Variants in TMC7 observed in about 807,000 individuals in gnomAD.
TMC7 encodes transmembrane channel-like protein 7.
Under a neutral mutation model 82.9 loss-of-function variants are expected in TMC7, and 54 were observed. The ratio of observed to expected loss-of-function variants is 0.65; its 90% CI spans 0.52 to 0.82. The LOEUF is 0.82. TMC7 is among the 40% of genes least tolerant of loss of function. TMC7 has a pLI of 0.00. For missense variants in TMC7, 820 were observed against 901.2 expected, an observed-to-expected ratio of 0.91 and a Z score of 1.15; for synonymous variants, 350 against 337.9, an observed-to-expected ratio of 1.04 and a Z score of -0.39.
intron 14 of TMC7, among the ~76,000 whole-genome samples, chr16:19,058,731 G>A (rs1373340138): frequency 6.6e-6 from 1 of 151,988 alleles, no homozygotes; most frequent in Non-Finnish European, 1.5e-5. Flanking sequence ...GTGGAGACAG[G>A]GTCTGGCTCT....
intron 1 of TMC7, among the ~76,000 whole-genome samples, chr16:18,988,586 C>T (rs1567495837): frequency 6.6e-6 from 1 of 151,930 alleles, no homozygotes; most frequent in Non-Finnish European, 1.5e-5. Context: ...CCACCATACC[C>T]AGCCCAATTT....
In TMC7 at chr16:18,985,929, A is replaced by G. The variant is rs150834037; in HGVS notation, c.67+1799A>G. On this transcript the variant is annotated intron_variant, in intron 1 of 15. Coordinates refer to ENST00000304381, the MANE Select transcript of TMC7 (RefSeq NM_024847.4). ...CATGCCTGTAATCCAGCACTTTGGGATGCTGAGGCAGGAGGATCACTTGAG... is the reference window on the plus strand; with the variant it reads ...CATGCCTGTAATCCAGCACTTTGGGGTGCTGAGGCAGGAGGATCACTTGAG... Among the ~76,000 whole-genome samples the G allele has an allele frequency of 1.8e-3, 278 of 152,004 alleles. 1 individual carries two copies. The highest frequency in any genetic ancestry group is 3.2e-3 in the Non-Finnish European group (220 of 67,962).
Position 19,053,883 on chromosome 16 carries a change from A to G in TMC7, c.1871+2067A>G, listed in dbSNP as rs192590578. Reference sequence around the variant, plus strand: ...TTTTTTTTAAAGATGCGATCTTGCTATGTTGCCCAGGCTAGTCTTGAACTC... The same window carrying G: ...TTTTTTTTAAAGATGCGATCTTGCTGTGTTGCCCAGGCTAGTCTTGAACTC... On this transcript the variant is annotated intron_variant, in intron 13 of 15. Transcript: ENST00000304381. Among the ~76,000 whole-genome samples, 510 of 125,504 alleles carry G rather than the reference A, an allele frequency of 4.1e-3. 1 individual carries two copies. The highest frequency in any genetic ancestry group is 5.7e-3 in the Non-Finnish European group (350 of 61,316). The allele number at this position is 125,504 out of a possible 152,430, so 82.3% of individuals were successfully genotyped here.
chr16:19,005,323 C>T (rs1476749999), intron 1 of TMC7, among the ~76,000 whole-genome samples: 5 of 151,998 alleles, frequency 3.3e-5, no homozygotes, highest in Admixed American at 1.3e-4. Flanking sequence ...CTCCTGACCT[C>T]GTGATCCACT....
chr16:18,985,021 G>C (rs1220730680), intron 1 of TMC7, among the ~76,000 whole-genome samples: 3 of 152,188 alleles, frequency 2.0e-5, no homozygotes, highest in African/African-American at 7.2e-5. Flanking sequence ...CAGCACTTTG[G>C]GAGGCTGAGG....
intron 3 of TMC7, among the ~76,000 whole-genome samples, chr16:19,017,113 A>G (rs1661103807): frequency 6.6e-6 from 1 of 152,118 alleles, no homozygotes; most frequent in South Asian, 2.1e-4. Context: ...TGAACCTGGG[A>G]GGTGGACGTT....
At chr16:19,019,639 C>T (rs555924474) in intron 3 of TMC7, among the ~76,000 whole-genome samples, 19 of 152,238 alleles carry the variant, frequency 1.2e-4, no homozygotes, top group Admixed American at 7.2e-4. Flanking sequence ...AGGGTTTGAA[C>T]CCAGGCATTC....
intron 1 of TMC7, among the ~76,000 whole-genome samples, chr16:18,995,723 T>C (rs2039032668): frequency 6.6e-6 from 1 of 152,190 alleles, no homozygotes; most frequent in African/African-American, 2.4e-5. Flanking sequence ...AACTCAGAAA[T>C]ACGTTGCTAC....
intron 2 of TMC7, 39 bp from the exon 3 acceptor site, chr16:19,016,411 G>A: frequency 6.2e-7 from 1 of 1,612,156 alleles, no homozygotes. Flanking sequence ...TCTTGATGCT[G>A]CTGTTGTTGT....
chr16:18,989,891 A>G (rs1395946851), intron 1 of TMC7, among the ~76,000 whole-genome samples: 1 of 151,860 alleles, frequency 6.6e-6, no homozygotes, highest in African/African-American at 2.4e-5. Context: ...CGTGTGTTTC[A>G]TGCGCGTCCA....
At chr16:19,012,405 A>G (rs972041124) in intron 2 of TMC7, 10 of 152,168 alleles carry the variant, frequency 6.6e-5, no homozygotes, top group African/African-American at 2.2e-4. Flanking sequence ...TCTTCCATCA[A>G]GGGACTTCCA....
Position 19,021,763 on chromosome 16 carries a change from A to G in TMC7, c.595A>G (p.Ser199Gly), listed in dbSNP as rs781402491. ...ACTCACGAAATACAAGATCACCAAC[A>G]GCAGCTTCGTGCTCATTCCTTTCAA... is the stretch of plus-strand genomic sequence containing the variant. ...VLLTKYKITNSSFVLIPFKDM... is the reference protein window; with the variant it reads ...VLLTKYKITNGSFVLIPFKDM... The change falls in exon 4 of 16, where the codon AGC becomes GGC. Residue 199 changes from serine to glycine, a missense_variant. This residue lies in a region of TMC7 where 650 missense variants were observed against 669.9 expected (regional missense o/e 0.97). Transcript: ENST00000304381. 6.2e-7 allele frequency: 1 copy of G among 1,614,220 alleles called. No homozygotes were observed.
At chr16:19,039,043 G>A (rs1960886432) in intron 8 of TMC7, among the ~76,000 whole-genome samples, 1 of 151,254 alleles carries the variant, frequency 6.6e-6, no homozygotes. Context: ...CGTTCATCTT[G>A]TGGCTCTGCC....
At chr16:19,052,088 GC>G (rs1961566157) in intron 13 of TMC7, among the ~76,000 whole-genome samples, 1 of 151,980 alleles carries the variant, frequency 6.6e-6, no homozygotes, top group East Asian at 1.9e-4. Context: ...GTTCCACTAT[GC>G]CCAGCTGATT....
intron 1 of TMC7, among the ~76,000 whole-genome samples, chr16:19,002,722 C>T (rs1389352769): frequency 2.0e-5 from 3 of 152,148 alleles, no homozygotes; most frequent in Admixed American, 6.6e-5. Flanking sequence ...AAATCTGGCC[C>T]CAGTGACCAA....
chr16:19,013,909 A>G lies in TMC7; in HGVS notation c.312-2541A>G, dbSNP rs913075473. ...CGCTCTATTGCCCAGGCTGGAGTGCACTGGCACCATCTTGGGTCACTGCAA... is the reference window on the plus strand; with the variant it reads ...CGCTCTATTGCCCAGGCTGGAGTGCGCTGGCACCATCTTGGGTCACTGCAA... On this transcript the variant is annotated intron_variant, in intron 2 of 15. Coordinates refer to ENST00000304381, the MANE Select transcript of TMC7 (RefSeq NM_024847.4). Among the ~76,000 whole-genome samples, 3 of 131,848 alleles carry G rather than the reference A, an allele frequency of 2.3e-5. No individual in the cohort carries two copies. The East Asian group carries it at 7.2e-4, about 32-fold the overall frequency. 86.5% of individuals were successfully genotyped at this position (131,848 alleles called of 152,430 possible). A position where few individuals can be genotyped will look rare whatever the true frequency, so the allele number is the denominator to read the frequency against.
intron 1 of TMC7, among the ~76,000 whole-genome samples, chr16:18,986,362 T>C (rs1203847794): frequency 2.2e-5 from 3 of 137,804 alleles, no homozygotes; most frequent in Non-Finnish European, 4.5e-5. Flanking sequence ...GCCACTGCAC[T>C]CCAGCCTGGG....
In TMC7 at chr16:19,009,268, C is replaced by T. The variant is rs201022261; in HGVS notation, c.164C>T (p.Thr55Ile). 3.0e-4 allele frequency: 483 copies of T among 1,614,222 alleles called. 5 individuals carry two copies. Among genetic ancestry groups the T allele is most frequent in the Non-Finnish European group, 1.1e-5 (13 of 1,180,046 alleles). Residue 55 changes from threonine to isoleucine, a missense_variant, in exon 2 of 16, where the codon ACT becomes ATT. Around this residue, in one of 2 missense-constraint regions of TMC7, gnomAD observed 650 missense variants for 669.9 expected, o/e 0.97. Coordinates refer to ENST00000304381, the MANE Select transcript of TMC7 (RefSeq NM_024847.4). ...SYRSIARRRT[T>I]VHSRDKQSGT... The stretch of plus-strand genomic sequence containing the variant: ...CGGTCCATTGCACGTAGGAGAACGA[C>T]TGTCCATTCCCGGGACAAGCAAAGC...
chr16:19,049,705 C>G, intron 12 of TMC7: 1 of 976,114 alleles, frequency 1.0e-6, no homozygotes, highest in Non-Finnish European at 1.2e-6. Context: ...GCCTCACTTC[C>G]GTCACTCACA....
Sources: allele counts gnomAD v4.1 joint callset (sites outside exome capture counted in the v4.1 genomes callset), GRCh38; gene constraint gnomAD v4.1.1; regional missense constraint gnomAD v4.1.1; transcripts MANE v1.5; gene names NCBI Gene and HGNC (gene_info 2026-07-23, HGNC 2026-07-21).